Variants in CSMD1 observed in about 807,000 individuals in gnomAD.
CSMD1 encodes the protein CUB and Sushi multiple domains 1.
Under a neutral mutation model 417.5 loss-of-function variants are expected in CSMD1, and 213 were observed. The ratio of observed to expected loss-of-function variants is 0.51; its 90% CI spans 0.46 to 0.57. The LOEUF (loss-of-function observed/expected upper bound fraction) is 0.57. CSMD1 is among the 20% of genes least tolerant of loss of function. The probability of loss-of-function intolerance (pLI) is 0.00; values close to 1 mark genes in which losing one functional copy is unlikely to be tolerated. For synonymous variants in CSMD1, 2,862 were observed against 1,736.8 expected, an observed-to-expected ratio of 1.65 and a Z score of -16.11; for missense variants, 6,923 against 4,529.7, an observed-to-expected ratio of 1.53 and a Z score of -15.17.
intron 3 of CSMD1, among the ~76,000 whole-genome samples, chr8:4,180,600 A>T (rs1476698666): frequency 3.4e-5 from 5 of 149,210 alleles, no homozygotes; most frequent in African/African-American, 4.8e-5. Flanking sequence ...AAGAAAAAAT[A>T]AAATAAAATA....
intron 5 of CSMD1, among the ~76,000 whole-genome samples, chr8:3,809,720 G>C (rs925203899): frequency 6.6e-6 from 1 of 152,108 alleles, no homozygotes; most frequent in Non-Finnish European, 1.5e-5. Flanking sequence ...CGAATCTATA[G>C]GTCTTCAAGG....
intron 10 of CSMD1, among the ~76,000 whole-genome samples, chr8:3,552,767 A>G (rs1382830890): frequency 6.6e-6 from 1 of 152,192 alleles, no homozygotes; most frequent in African/African-American, 2.4e-5. Flanking sequence ...TTGACACAAG[A>G]ACAGTTCTGC....
intron 1 of CSMD1, among the ~76,000 whole-genome samples, chr8:4,644,504 T>G (rs1803393739): frequency 6.6e-6 from 1 of 152,142 alleles, no homozygotes; most frequent in South Asian, 2.1e-4. Context: ...CCTCCCAGGT[T>G]CAAGTGATCC....
At chr8:4,867,284 G>C (rs976275133) in intron 1 of CSMD1, among the ~76,000 whole-genome samples, 1 of 152,010 alleles carries the variant, frequency 6.6e-6, no homozygotes, top group Non-Finnish European at 1.5e-5. Context: ...ACTCATCAAT[G>C]TGCTTCTGGA....
At chr8:4,092,734 T>G (rs1345295930) in intron 3 of CSMD1, among the ~76,000 whole-genome samples, 4 of 152,182 alleles carry the variant, frequency 2.6e-5, no homozygotes, top group Admixed American at 2.6e-4. Flanking sequence ...ACTTTTTAAC[T>G]TCCACATTTT....
chr8:4,026,611 T>G (rs1290458898), intron 4 of CSMD1, among the ~76,000 whole-genome samples: 3 of 152,268 alleles, frequency 2.0e-5, no homozygotes, highest in Non-Finnish European at 4.4e-5. Context: ...CTCACAGTTT[T>G]AATGGTGGTA....
chr8:3,898,004 G>A (rs548446908), intron 5 of CSMD1, among the ~76,000 whole-genome samples: 1 of 152,276 alleles, frequency 6.6e-6, no homozygotes, highest in East Asian at 1.9e-4. Context: ...CTCCTAGGAG[G>A]TGCCCAGATC....
At chr8:4,759,100 G>C (rs1222854139) in intron 1 of CSMD1, among the ~76,000 whole-genome samples, 3 of 152,194 alleles carry the variant, frequency 2.0e-5, no homozygotes, top group African/African-American at 4.8e-5. Flanking sequence ...TAAAGAGTGA[G>C]GGAAATGCAT....
At chr8:4,901,173 A>T (rs1310787115) in intron 1 of CSMD1, among the ~76,000 whole-genome samples, 4 of 152,224 alleles carry the variant, frequency 2.6e-5, no homozygotes, top group Non-Finnish European at 5.9e-5. Context: ...ATTTTCTTAA[A>T]CCAAAAGTTA....
chr8:4,917,889 C>T (rs936966572), intron 1 of CSMD1, among the ~76,000 whole-genome samples: 1 of 151,982 alleles, frequency 6.6e-6, no homozygotes, highest in Non-Finnish European at 1.5e-5. Flanking sequence ...AGGCTAGGTA[C>T]GATTCAAAAC....
intron 33 of CSMD1, 135 bp downstream of exon 33, chr8:3,199,579 T>C (rs1796880881): frequency 7.5e-6 from 3 of 399,614 alleles, no homozygotes; most frequent in Non-Finnish European, 8.9e-6. Flanking sequence ...ATTATAAACA[T>C]ATGAACACCT....
At chr8:4,852,350 C>A (rs939928589) in intron 1 of CSMD1, among the ~76,000 whole-genome samples, 10 of 152,166 alleles carry the variant, frequency 6.6e-5, no homozygotes, top group South Asian at 4.2e-4. Flanking sequence ...AGAGTTCTTG[C>A]AACATCTGGT....
intron 41 of CSMD1, among the ~76,000 whole-genome samples, chr8:3,136,640 T>C (rs1038380051): frequency 6.6e-6 from 1 of 152,082 alleles, no homozygotes; most frequent in Non-Finnish European, 1.5e-5. Flanking sequence ...CCATTGATAA[T>C]ATTTTTATAT....
intron 10 of CSMD1, among the ~76,000 whole-genome samples, chr8:3,525,923 C>T (rs545035529): frequency 6.6e-6 from 1 of 152,140 alleles, no homozygotes; most frequent in Non-Finnish European, 1.5e-5. Flanking sequence ...ACACACAAAT[C>T]GTATTACATG....
At chr8:4,063,421 A>T (rs1799083154) in intron 3 of CSMD1, among the ~76,000 whole-genome samples, 1 of 152,212 alleles carries the variant, frequency 6.6e-6, no homozygotes, top group Non-Finnish European at 1.5e-5. Flanking sequence ...TTAAATTATG[A>T]TTATTAAATG....
chr8:2,964,535 C>T (rs1258782651), intron 59 of CSMD1, among the ~76,000 whole-genome samples: 1 of 150,026 alleles, frequency 6.7e-6, no homozygotes, highest in East Asian at 2.1e-4. Context: ...ACTTGCTGGC[C>T]GTGGTGTTGT....
At chr8:2,946,500 T>C (rs767964203) in intron 68 of CSMD1, among the ~76,000 whole-genome samples, 74 of 152,254 alleles carry the variant, frequency 4.9e-4, no homozygotes, top group Non-Finnish European at 2.9e-4. Context: ...ATTTGGCCTT[T>C]TTTTATCTGG....
At chr8:4,627,226 C>T (rs1172790030) in intron 2 of CSMD1, among the ~76,000 whole-genome samples, 1 of 152,108 alleles carries the variant, frequency 6.6e-6, no homozygotes, top group East Asian at 1.9e-4. Context: ...ACAGACTTTG[C>T]TGTCCAGTCA....
At chr8:4,587,541 C>G (rs1258857932) in intron 2 of CSMD1, among the ~76,000 whole-genome samples, 1 of 151,740 alleles carries the variant, frequency 6.6e-6, no homozygotes, top group African/African-American at 2.4e-5. Flanking sequence ...GTGTCTAACA[C>G]CTAAGGAAAT....
Sources: allele counts gnomAD v4.1 joint callset (sites outside exome capture counted in the v4.1 genomes callset), GRCh38; gene constraint gnomAD v4.1.1; transcripts MANE v1.5; gene names NCBI Gene and HGNC (gene_info 2026-07-23, HGNC 2026-07-21).